TNFSF8: variants seen among roughly 807,000 people sequenced by gnomAD.
The protein encoded by TNFSF8 is TNF superfamily member 8, also known as tumor necrosis factor ligand superfamily member 8.
Under a neutral mutation model 22.0 loss-of-function variants are expected in TNFSF8, and 4 were observed. The observed-to-expected ratio is 0.18, with a 90% CI of 0.09 to 0.42. The LOEUF is 0.42. TNFSF8 is among the 10% of genes least tolerant of loss of function. TNFSF8 has a pLI of 1.00. For missense variants in TNFSF8, 233 were observed against 281.8 expected, an observed-to-expected ratio of 0.83 and a Z score of 1.24; for synonymous variants, 106 against 112.5, an observed-to-expected ratio of 0.94 and a Z score of 0.37.
chr9:114,920,390 C>A (rs1450743826), intron 1 of TNFSF8, among the ~76,000 whole-genome samples: 1 of 152,204 alleles, frequency 6.6e-6, no homozygotes, highest in East Asian at 1.9e-4. Flanking sequence ...GAGAATCATT[C>A]ATGCAGCACA....
intron 2 of TNFSF8, 106 bp downstream of exon 2, chr9:114,917,990 T>G: frequency 8.8e-7 from 1 of 1,141,444 alleles, no homozygotes; most frequent in Non-Finnish European, 1.2e-6. Context: ...CACTTTACTG[T>G]TGGGTCATGT....
downstream of TNFSF8, among the ~76,000 whole-genome samples, chr9:114,898,012 T>C (rs1005842317): frequency 1.3e-5 from 2 of 151,992 alleles, no homozygotes; most frequent in Non-Finnish European, 2.9e-5. Flanking sequence ...GCCTATTTTT[T>C]TTTTTTTTGA....
At chr9:114,907,677 A>G (rs1032510688) in intron 2 of TNFSF8, among the ~76,000 whole-genome samples, 1 of 152,284 alleles carries the variant, frequency 6.6e-6, no homozygotes, top group Admixed American at 6.5e-5. Context: ...TTCCAATAGT[A>G]ATAATAACGA....
At chr9:114,913,933 A>G (rs1443955647) in intron 2 of TNFSF8, among the ~76,000 whole-genome samples, 1 of 152,232 alleles carries the variant, frequency 6.6e-6, no homozygotes, top group Non-Finnish European at 1.5e-5. Context: ...AAGAAAGAAC[A>G]CTGACTACAG....
chr9:114,905,169 C>T (rs3181361), intron 3 of TNFSF8, among the ~76,000 whole-genome samples: 2,185 of 152,286 alleles, frequency 0.014, 33 homozygotes, highest in Admixed American at 0.034. Flanking sequence ...CCCTTTAAAC[C>T]TCGTTGCAAT....
downstream of TNFSF8, among the ~76,000 whole-genome samples, chr9:114,900,139 G>C (rs1827699948): frequency 6.6e-6 from 1 of 152,168 alleles, no homozygotes; most frequent in South Asian, 2.1e-4. Flanking sequence ...CATAAAGGAT[G>C]GCTCAGAGAA....
intron 2 of TNFSF8, among the ~76,000 whole-genome samples, chr9:114,915,561 G>T (rs972867573): frequency 6.6e-5 from 10 of 152,224 alleles, no homozygotes; most frequent in African/African-American, 2.4e-4. Flanking sequence ...AGCCGGTCAT[G>T]CAGGGAGAAG....
At chr9:114,909,399 GAGAAC>G (rs1358157337) in intron 2 of TNFSF8, among the ~76,000 whole-genome samples, 5 of 152,206 alleles carry the variant, frequency 3.3e-5, no homozygotes, top group African/African-American at 1.2e-4. Flanking sequence ...TGGGGGAAGT[GAGAAC>G]TGTCTGCAAG....
intron 1 of TNFSF8, among the ~76,000 whole-genome samples, chr9:114,925,932 G>A (rs1274990872): frequency 6.6e-6 from 1 of 152,146 alleles, no homozygotes; most frequent in African/African-American, 2.4e-5. Context: ...TAACCTAGGA[G>A]TCTATCTCAT....
Position 114,923,478 on chromosome 9 carries a change from TTTTCTTTCTTTCTTTC to T in TNFSF8, c.196-5356_196-5341del, listed in dbSNP as rs71375260. The stretch of plus-strand genomic sequence containing the variant: ...CCATACATAGATTACTTTTCTTTCT[TTTTCTTTCTTTCTTTC>T]TTTCTTTCTTTCTTTCTTTCTTTCT... On this transcript the variant is annotated intron_variant, in intron 1 of 3. Coordinates refer to ENST00000223795, the MANE Select transcript of TNFSF8 (RefSeq NM_001244.4). Among the ~76,000 whole-genome samples the T allele has an allele frequency of 4.7e-3, 496 of 105,698 alleles. 3 individuals are homozygous for T. Among genetic ancestry groups the T allele is most frequent in the East Asian group, 0.015 (64 of 4,162 alleles). The allele number at this position is 105,698 out of a possible 152,430, so 69.3% of individuals were successfully genotyped here.
intron 1 of TNFSF8, among the ~76,000 whole-genome samples, chr9:114,923,522 C>CTT (rs1554778310): frequency 0.043 from 3,882 of 89,666 alleles, 134 homozygotes; most frequent in Admixed American, 0.055. Context: ...TTCTTTCTTT[C>CTT]TTTTTTTTTT....
At chr9:114,923,524 T>TTC (rs796199156) in intron 1 of TNFSF8, among the ~76,000 whole-genome samples, 19 of 139,112 alleles carry the variant, frequency 1.4e-4, no homozygotes, top group South Asian at 4.6e-4. Flanking sequence ...CTTTCTTTCT[T>TTC]TTTTTTTTTT....
intron 4 of TNFSF8, among the ~76,000 whole-genome samples, chr9:114,895,355 G>A (rs936633370): frequency 2.0e-5 from 3 of 152,168 alleles, no homozygotes; most frequent in African/African-American, 7.2e-5. Context: ...AGAGGCACAG[G>A]GAGAGGACCT....
Position 114,903,634 on chromosome 9 carries a change from A to G in TNFSF8, c.*297T>C. On this transcript the variant is annotated 3_prime_UTR_variant, in exon 4 of 4. Coordinates refer to ENST00000223795, the MANE Select transcript of TNFSF8 (RefSeq NM_001244.4). The stretch of plus-strand genomic sequence containing the variant: ...CTCAAAACAGAAGAAATAGATCAAG[A>G]CCATACAGTGAATTAGAGGTTGGGC... 7.1e-6 allele frequency: 7 copies of G among 990,444 alleles called. No homozygotes were observed. The highest frequency in any genetic ancestry group is 8.7e-6 in the Non-Finnish European group (7 of 806,564). 61.4% of individuals were successfully genotyped at this position (990,444 alleles called of 1,614,324 possible). A position where few individuals can be genotyped will look rare whatever the true frequency, so the allele number is the denominator to read the frequency against.
At chr9:114,893,503 C>T (rs1827625752) in exon 5 of TNFSF8, 1 of 155,264 alleles carries the variant, frequency 6.4e-6, no homozygotes, top group Non-Finnish European at 1.4e-5. Context: ...GCTTAGTTCT[C>T]TCTTGTACTA....
chr9:114,924,999 G>A (rs894446729), intron 1 of TNFSF8, among the ~76,000 whole-genome samples: 9 of 152,306 alleles, frequency 5.9e-5, no homozygotes, highest in African/African-American at 2.2e-4. Flanking sequence ...GTGTCATGGG[G>A]CATTCCAAAT....
Position 114,905,816 on chromosome 9 carries a change from T to G in TNFSF8, c.310+12A>C. 6.2e-7 allele frequency: 1 copy of G among 1,604,876 alleles called. No individual in the cohort carries two copies. The highest frequency in any genetic ancestry group is 8.5e-7 in the Non-Finnish European group (1 of 1,171,842). ...TTTCATATGTTTAGGTTTCCTGGGC[T>G]TGGTTACTGACCTTGGAGGTAGGCC... On this transcript the variant is annotated intron_variant, in intron 3 of 3. Transcript: ENST00000223795.
rs551427917 is a variant in TNFSF8 at position 114,914,247 on chromosome 9, A to G, written c.238+3849T>C. 1.6e-3 allele frequency among the ~76,000 whole-genome samples: 238 copies of G among 152,286 alleles called. 2 individuals are homozygous for G. The highest frequency in any genetic ancestry group is 5.6e-3 in the African/African-American group (234 of 41,572). On this transcript the variant is annotated intron_variant, in intron 2 of 3. Transcript: ENST00000223795. ...GCTGGAATAGCTGAGGTCTTGCAAG[A>G]ACAGAGGGACCTAATATTCAATTCT...
intron 1 of TNFSF8, among the ~76,000 whole-genome samples, chr9:114,928,238 G>A (rs1278712303): frequency 6.6e-6 from 1 of 152,176 alleles, no homozygotes; most frequent in Non-Finnish European, 1.5e-5. Context: ...CAAGAGAAGA[G>A]TGGGTGCAAT....
Sources: allele counts gnomAD v4.1 joint callset (sites outside exome capture counted in the v4.1 genomes callset), GRCh38; gene constraint gnomAD v4.1.1; transcripts MANE v1.5; gene names NCBI Gene and HGNC (gene_info 2026-07-23, HGNC 2026-07-21).